Variants in SRGAP1 observed in about 807,000 individuals in gnomAD.
SRGAP1 encodes SLIT-ROBO Rho GTPase-activating protein 1.
In SRGAP1, 43 loss-of-function variants were observed where a neutral mutation model predicts 121.9. The observed-to-expected ratio is 0.35, with a 90% CI of 0.28 to 0.46. The LOEUF is 0.46. Among genes scored for constraint, SRGAP1 ranks in the 20% least tolerant of loss-of-function variants. SRGAP1 has a pLI of 1.00. For missense variants in SRGAP1, 1,102 were observed against 1,350.9 expected (o/e 0.82, Z 2.89); for synonymous variants, 447 against 485.4 (o/e 0.92, Z 1.04).
At chr12:64,044,696 T>G (rs1333565427) in intron 6 of SRGAP1, among the ~76,000 whole-genome samples, 1 of 133,918 alleles carries the variant, frequency 7.5e-6, no homozygotes, top group Non-Finnish European at 1.6e-5. Flanking sequence ...TTTTTTTTTT[T>G]TTTAAGACAG....
In SRGAP1 at chr12:64,020,704, G is replaced by A. The variant is rs561793499; in HGVS notation, c.489+3692G>A. ...CTAAAAATACAAAAATTAGCCAGGC[G>A]TGGTGGCAGGTGCCTGTAATCCCAG... On this transcript the variant is annotated intron_variant, in intron 4 of 21. Coordinates refer to ENST00000355086, the MANE Select transcript of SRGAP1 (RefSeq NM_020762.4). Among the ~76,000 whole-genome samples, 373 of 152,002 alleles carry A rather than the reference G, an allele frequency of 2.5e-3. 1 individual carries two copies. The highest frequency in any genetic ancestry group is 8.5e-3 in the African/African-American group (354 of 41,486).
intron 1 of SRGAP1, among the ~76,000 whole-genome samples, chr12:63,907,046 A>G (rs1321848886): frequency 1.3e-5 from 2 of 152,052 alleles, no homozygotes; most frequent in African/African-American, 4.8e-5. Context: ...GAGGGTGCTA[A>G]TTTCTCCACA....
chr12:63,984,072 C>T lies in SRGAP1; in HGVS notation c.193C>T (p.Arg65Trp), dbSNP rs1230082762. 3.2e-6 allele frequency: 5 copies of T among 1,547,270 alleles called. No individual in the cohort carries two copies. Among genetic ancestry groups the T allele is most frequent in the South Asian group, 1.2e-5 (1 of 81,414 alleles). The change falls in exon 2 of 22, where the codon CGG (arginine) becomes TGG (tryptophan). Residue 65 changes from arginine to tryptophan, a missense_variant. Transcript: ENST00000355086. Reference sequence around the variant, plus strand: ...AGCTGAAATTGAGACGGAATATTCCCGGAATCTAGAGAAGTTAGCAGAAAG... The same window carrying T: ...AGCTGAAATTGAGACGGAATATTCCTGGAATCTAGAGAAGTTAGCAGAAAG... ...KKAEIETEYS[R>W]NLEKLAERFM...
chr12:63,881,422 G>A (rs945825879), intron 1 of SRGAP1, among the ~76,000 whole-genome samples: 1 of 152,154 alleles, frequency 6.6e-6, no homozygotes, highest in African/African-American at 2.4e-5. Flanking sequence ...GTTTTTGGTG[G>A]TTACTCATTA....
chr12:64,017,084 TGTA>T, intron 4 of SRGAP1, 72 bp downstream of exon 4: 1 of 879,846 alleles, frequency 1.1e-6, no homozygotes. Context: ...CACTGCTCAT[TGTA>T]GTATTCATTC....
intron 2 of SRGAP1, among the ~76,000 whole-genome samples, chr12:63,986,845 T>G (rs2033432805): frequency 1.3e-5 from 2 of 152,188 alleles, no homozygotes; most frequent in South Asian, 4.1e-4. Flanking sequence ...CACGTTTTTG[T>G]TTCTCTTGGT....
intron 1 of SRGAP1, among the ~76,000 whole-genome samples, chr12:63,968,503 G>A (rs917883405): frequency 6.6e-6 from 1 of 152,128 alleles, no homozygotes; most frequent in African/African-American, 2.4e-5. Flanking sequence ...GGTCATTACC[G>A]TCTCTTGTTA....
intron 1 of SRGAP1, among the ~76,000 whole-genome samples, chr12:63,849,695 G>A (rs1012846547): frequency 6.6e-6 from 1 of 152,216 alleles, no homozygotes; most frequent in Non-Finnish European, 1.5e-5. Flanking sequence ...CATAGAATAG[G>A]AAGTGACAGC....
chr12:64,121,917 C>CATA (rs2036611429), intron 18 of SRGAP1, among the ~76,000 whole-genome samples: 1 of 152,194 alleles, frequency 6.6e-6, no homozygotes, highest in Non-Finnish European at 1.5e-5. Flanking sequence ...ACTAAATTAA[C>CATA]TAGAGTATCA....
At chr12:64,098,323 A>G (rs1181556164) in intron 15 of SRGAP1, among the ~76,000 whole-genome samples, 1 of 143,752 alleles carries the variant, frequency 7.0e-6, no homozygotes, top group Non-Finnish European at 1.5e-5. Context: ...CCCAACCCCT[A>G]CCCCCTGGCC....
intron 3 of SRGAP1, among the ~76,000 whole-genome samples, chr12:64,003,209 C>T (rs1044890568): frequency 6.6e-6 from 1 of 152,012 alleles, no homozygotes; most frequent in Non-Finnish European, 1.5e-5. Context: ...ACCTCAGCCT[C>T]CCAAGTAGCT....
intron 1 of SRGAP1, among the ~76,000 whole-genome samples, chr12:63,895,461 A>C (rs1900722516): frequency 6.6e-6 from 1 of 152,230 alleles, no homozygotes; most frequent in African/African-American, 2.4e-5. Flanking sequence ...CCAAATTTGG[A>C]AATGTACTGG....
At chr12:64,053,004 T>G (rs2035266652) in intron 6 of SRGAP1, among the ~76,000 whole-genome samples, 1 of 152,200 alleles carries the variant, frequency 6.6e-6, no homozygotes, top group South Asian at 2.1e-4. Context: ...TTTTATCAGT[T>G]TATTTCATAG....
intron 1 of SRGAP1, among the ~76,000 whole-genome samples, chr12:63,862,503 T>G (rs897306533): frequency 6.6e-6 from 1 of 152,184 alleles, no homozygotes; most frequent in Non-Finnish European, 1.5e-5. Flanking sequence ...ATTCTGAAGG[T>G]GCGGCTTATG....
In SRGAP1 at chr12:64,149,016, CATT is replaced by C. The variant is rs2136662527; in HGVS notation, c.*6345_*6347del. The C allele has an allele frequency of 6.6e-6, 1 of 152,294 alleles. No individual in the cohort carries two copies. The highest frequency in any genetic ancestry group is 1.5e-5 in the Non-Finnish European group (1 of 68,020). The allele number at this position is 152,294 out of a possible 1,614,324, so 9.4% of individuals were successfully genotyped here. On this transcript the variant is annotated 3_prime_UTR_variant, in exon 22 of 22. Coordinates refer to ENST00000355086, the MANE Select transcript of SRGAP1 (RefSeq NM_020762.4). ...TGAAATGTATGTTTGTAAGAGTCGTCATTGTTAGTAAAATAGTGGTTTTTCCAT... is the reference window on the plus strand; with the variant it reads ...TGAAATGTATGTTTGTAAGAGTCGTCGTTAGTAAAATAGTGGTTTTTCCAT...
chr12:64,155,264 G>A lies in SRGAP1; in HGVS notation c.*12592G>A, dbSNP rs113598018. 13,135 of 152,156 alleles carry A rather than the reference G, an allele frequency of 0.086. 684 individuals are homozygous for A. The highest frequency in any genetic ancestry group is 0.18 in the East Asian group (895 of 5,112). The allele number at this position is 152,156 out of a possible 1,614,324, so 9.4% of individuals were successfully genotyped here. On this transcript the variant is annotated 3_prime_UTR_variant, in exon 22 of 22. Transcript: ENST00000355086. ...TTTCACCATGTTGCTTGTTAAGGCC[G>A]GGCACGGTGGCTCACGCCTGTAATG...
chr12:64,027,812 C>T (rs1282252158), intron 4 of SRGAP1, among the ~76,000 whole-genome samples: 2 of 151,480 alleles, frequency 1.3e-5, no homozygotes, highest in African/African-American at 4.9e-5. Flanking sequence ...TAGGGGCATA[C>T]AATATACGTG....
At position 64,160,942 on chromosome 12, in the gene SRGAP1, T is replaced by C. The variant is rs2037204902; in HGVS notation, c.*18270T>C. 1 of 152,222 alleles carries C rather than the reference T, an allele frequency of 6.6e-6. No individual in the cohort carries two copies. Among genetic ancestry groups the C allele is most frequent in the South Asian group, 2.1e-4 (1 of 4,836 alleles). The allele number at this position is 152,222 out of a possible 1,614,324, so 9.4% of individuals were successfully genotyped here. A position where few individuals can be genotyped will look rare whatever the true frequency, so the allele number is the denominator to read the frequency against. On this transcript the variant is annotated 3_prime_UTR_variant, in exon 22 of 22. Coordinates refer to ENST00000355086, the MANE Select transcript of SRGAP1 (RefSeq NM_020762.4). ...ACATTCCAAAGCCATTCTAATTCTG[T>C]TACTTTGTATGTTCTTTTTTTTCCC...
At position 64,078,905 on chromosome 12, in the gene SRGAP1, AT is replaced by A; in HGVS notation, c.1126-11del. The A allele has an allele frequency of 6.2e-7, 1 of 1,609,792 alleles. No individual in the cohort carries two copies. The highest frequency in any genetic ancestry group is 8.5e-7 in the Non-Finnish European group (1 of 1,179,222). On this transcript the variant is annotated splice_polypyrimidine_tract_variant and intron_variant, in intron 8 of 21. Transcript: ENST00000355086. The stretch of plus-strand genomic sequence containing the variant: ...AATAATGTACTAACGTGAGAAATGT[AT>A]TTCTATTCCCAGGTTAAGAAAACGA...
Sources: allele counts gnomAD v4.1 joint callset (sites outside exome capture counted in the v4.1 genomes callset), GRCh38; gene constraint gnomAD v4.1.1; transcripts MANE v1.5; gene names NCBI Gene and HGNC (gene_info 2026-07-23, HGNC 2026-07-21).